CLUH: variants seen among roughly 807,000 people sequenced by gnomAD.
CLUH encodes the protein clustered mitochondria protein homolog.
In CLUH, 77 loss-of-function variants were observed where a neutral mutation model predicts 139.3. That is an observed-to-expected ratio of 0.55 (90% confidence interval 0.46 to 0.67). The LOEUF is 0.67. Among genes scored for constraint, CLUH ranks in the 30% least tolerant of loss-of-function variants. The pLI is 0.00. For synonymous variants in CLUH, 999 were observed against 801.6 expected (o/e 1.25, Z -4.16); for missense variants, 1,876 against 1,875.8 (o/e 1.00, Z 0.00).
At chr17:2,702,180 G>A (rs964216430) in intron 3 of CLUH, 123 bp from the exon 4 acceptor site, 24 of 1,217,582 alleles carry the variant, frequency 2.0e-5, no homozygotes, top group Admixed American at 1.0e-4. Flanking sequence ...TTAGGTTTCC[G>A]TTTTCAAATT....
intron 3 of CLUH, among the ~76,000 whole-genome samples, chr17:2,702,531 T>A (rs1161413442): frequency 6.6e-6 from 1 of 152,192 alleles, no homozygotes; most frequent in Non-Finnish European, 1.5e-5. Context: ...GTTCTTTTGG[T>A]GGAGGGGAGA....
intron 13 of CLUH, 198 bp from the exon 14 acceptor site, chr17:2,695,724 C>T: frequency 1.5e-6 from 1 of 689,024 alleles, no homozygotes; most frequent in Non-Finnish European, 2.4e-6. Flanking sequence ...GTGGTACAGG[C>T]CCCCTCTAAC....
Position 2,690,550 on chromosome 17 carries a change from C to T in CLUH, c.*44G>A. ...GCCCCCTTCTCCCGCAGTCGGGCTCCCTGGTGACGGGGCCGCTGGCTGGCT... is the reference window on the plus strand; with the variant it reads ...GCCCCCTTCTCCCGCAGTCGGGCTCTCTGGTGACGGGGCCGCTGGCTGGCT... On this transcript the variant is annotated 3_prime_UTR_variant, in exon 26 of 26. Transcript: ENST00000651024. 3 of 1,406,926 alleles carry T rather than the reference C, an allele frequency of 2.1e-6. No homozygotes were observed. The highest frequency in any genetic ancestry group is 2.8e-6 in the Non-Finnish European group (3 of 1,075,832). The allele number at this position is 1,406,926 out of a possible 1,614,324, so 87.2% of individuals were successfully genotyped here. A position where few individuals can be genotyped will look rare whatever the true frequency, so the allele number is the denominator to read the frequency against.
At chr17:2,699,579 C>T (rs911945648) in intron 9 of CLUH, among the ~76,000 whole-genome samples, 16 of 152,154 alleles carry the variant, frequency 1.1e-4, no homozygotes, top group East Asian at 5.8e-4. Flanking sequence ...CTGCCTGTCT[C>T]AGCCTCCCAA....
In CLUH at chr17:2,707,589, G is replaced by A. The variant is rs2070385316; in HGVS notation, c.101-3025C>T. Reference sequence around the variant, plus strand: ...GGAGAACCCAGAATTTGGGGTACCTGGACCCCTCAAGATTGAGGGCCTAGG... The same window carrying A: ...GGAGAACCCAGAATTTGGGGTACCTAGACCCCTCAAGATTGAGGGCCTAGG... On this transcript the variant is annotated intron_variant, in intron 1 of 25. Coordinates refer to ENST00000651024, the MANE Select transcript of CLUH (RefSeq NM_001366661.1). The surrounding 1 kb of genome is among the most constrained non-coding windows in gnomAD (Gnocchi z 7.4). The A allele has an allele frequency of 1.0e-6, 1 of 985,382 alleles. No individual in the cohort carries two copies. Among genetic ancestry groups the A allele is most frequent in the African/African-American group, 1.7e-5 (1 of 57,350 alleles). The allele number at this position is 985,382 out of a possible 1,614,324, so 61.0% of individuals were successfully genotyped here.
rs1228439531 is a variant in CLUH at position 2,696,493 on chromosome 17, A to C, written c.2231T>G (p.Val744Gly). Reference protein sequence around the residue: ...REVIRNACKAVGSISSTAFDI... With the variant: ...REVIRNACKAGGSISSTAFDI... ...GAAGGCGGTGCTGCTGATGGAGCCG[A>C]CCGCCTTGCACGCGTTGCGGATCAC... The change falls in exon 12 of 26, where the codon GTC becomes GGC. Residue 744 changes from valine to glycine, a missense_variant. Transcript: ENST00000651024. The C allele has an allele frequency of 3.8e-6, 6 of 1,591,210 alleles. No individual in the cohort carries two copies. Among genetic ancestry groups the C allele is most frequent in the Non-Finnish European group, 5.1e-6 (6 of 1,171,138 alleles).
chr17:2,693,831 T>A, intron 19 of CLUH, 69 bp downstream of exon 19: 3 of 1,529,792 alleles, frequency 2.0e-6, no homozygotes, highest in Non-Finnish European at 2.6e-6. Flanking sequence ...CACTCCTCCG[T>A]CAGGGGCCCC....
At chr17:2,711,283 G>A (rs1349695684) in intron 1 of CLUH, 1 of 152,174 alleles carries the variant, frequency 6.6e-6, no homozygotes, top group Non-Finnish European at 1.5e-5. Flanking sequence ...CCCCGAAACC[G>A]CGTGTGCGCG....
intron 19 of CLUH, 65 bp downstream of exon 19, chr17:2,693,835 G>T: frequency 1.3e-6 from 2 of 1,535,984 alleles, no homozygotes; most frequent in Middle Eastern, 2.2e-4. Flanking sequence ...CCTCCGTCAG[G>T]GGCCCCCTCA....
chr17:2,696,285 G>C (rs906498948), intron 12 of CLUH, 26 bp from the exon 13 acceptor site: 5 of 1,551,760 alleles, frequency 3.2e-6, no homozygotes, highest in Non-Finnish European at 4.4e-6. Flanking sequence ...CAGAGAGGCT[G>C]AGCCAGGCAG....
At position 2,707,557 on chromosome 17, in the gene CLUH, G is replaced by T; in HGVS notation, c.101-2993C>A. 1.0e-6 allele frequency: 1 copy of T among 985,414 alleles called. No homozygotes were observed. Among genetic ancestry groups the T allele is most frequent in the South Asian group, 4.7e-5 (1 of 21,288 alleles). 61.0% of individuals were successfully genotyped at this position (985,414 alleles called of 1,614,324 possible). On this transcript the variant is annotated intron_variant, in intron 1 of 25. Transcript: ENST00000651024. This position sits in a 1 kb window ranked among gnomAD's most constrained non-coding sequence, Gnocchi z 7.4. Reference sequence around the variant, plus strand: ...GGGTCACTGCCGGCAAAGCCGCTAGGGGGATCGGAGAACCCAGAATTTGGG... The same window carrying T: ...GGGTCACTGCCGGCAAAGCCGCTAGTGGGATCGGAGAACCCAGAATTTGGG...
At chr17:2,692,983 C>A in intron 19 of CLUH, 123 bp from the exon 20 acceptor site, 1 of 881,764 alleles carries the variant, frequency 1.1e-6, no homozygotes. Context: ...CGGCTGCGCC[C>A]AGCACAGTGC....
chr17:2,700,682 C>T lies in CLUH; in HGVS notation c.1169G>A (p.Gly390Glu). The T allele has an allele frequency of 6.6e-7, 1 of 1,526,472 alleles. No homozygotes were observed. The highest frequency in any genetic ancestry group is 8.8e-7 in the Non-Finnish European group (1 of 1,141,346). The allele number at this position is 1,526,472 out of a possible 1,614,324, so 94.6% of individuals were successfully genotyped here. A position where few individuals can be genotyped will look rare whatever the true frequency, so the allele number is the denominator to read the frequency against. Residue 390 changes from glycine to glutamate, a missense_variant, in exon 8 of 26, where the codon GGA becomes GAA. Physicochemically the swap from Gly to Glu is moderately conservative, Grantham distance 98 (BLOSUM62 -2). Coordinates refer to ENST00000651024, the MANE Select transcript of CLUH (RefSeq NM_001366661.1). ...SRLGYEEHIPGQTRDWNEELQ... is the reference protein window; with the variant it reads ...SRLGYEEHIPEQTRDWNEELQ... ...GCAGGGCCAGGTTGCAGGCACCTGT[C>T]CAGGAATGTGCTCCTCATAGCCCAG...
chr17:2,691,711 G>T (rs761930739), intron 24 of CLUH, 29 bp from the exon 25 acceptor site: 6 of 1,607,774 alleles, frequency 3.7e-6, no homozygotes, highest in Non-Finnish European at 4.2e-6. Flanking sequence ...AGCGGTGAGC[G>T]GGGCTCCCGC....
intron 25 of CLUH, 135 bp downstream of exon 25, chr17:2,691,474 A>G: frequency 1.2e-6 from 1 of 833,942 alleles, no homozygotes. Context: ...AGGCAGGAGA[A>G]TCGCTGAACC....
chr17:2,695,649 A>G (rs2069911569), intron 13 of CLUH, 123 bp from the exon 14 acceptor site: 1 of 1,284,878 alleles, frequency 7.8e-7, no homozygotes, highest in Non-Finnish European at 1.0e-6. Context: ...TCCAGCTCCC[A>G]GTCAGGATGT....
At position 2,706,976 on chromosome 17, in the gene CLUH, G is replaced by A. The variant is rs777570921; in HGVS notation, c.101-2412C>T. Among the ~76,000 whole-genome samples the A allele has an allele frequency of 2.0e-5, 3 of 152,184 alleles. No homozygotes were observed. Among genetic ancestry groups the A allele is most frequent in the Non-Finnish European group, 2.9e-5 (2 of 68,026 alleles). ...CTCTCCTTCCCCAGCCCAGGGAGAC[G>A]ACCCTCAGGGGGTACCTATTCCCTA... On this transcript the variant is annotated intron_variant, in intron 1 of 25. Coordinates refer to ENST00000651024, the MANE Select transcript of CLUH (RefSeq NM_001366661.1). The surrounding 1 kb of genome is among the most constrained non-coding windows in gnomAD (Gnocchi z 4.6).
rs889642855 is a variant in CLUH, at chr17:2,704,045, G to T, written c.303+317C>A. On this transcript the variant is annotated intron_variant, in intron 2 of 25. Coordinates refer to ENST00000651024, the MANE Select transcript of CLUH (RefSeq NM_001366661.1). This position sits in a 1 kb window ranked among gnomAD's most constrained non-coding sequence, Gnocchi z 5.7. ...TGGTAAAATCACGGCCCAGAGAGAGGTGACTTGCCTGAGGGCACAGAGCAA... is the reference window on the plus strand; with the variant it reads ...TGGTAAAATCACGGCCCAGAGAGAGTTGACTTGCCTGAGGGCACAGAGCAA... Among the ~76,000 whole-genome samples, 3 of 152,154 alleles carry T rather than the reference G, an allele frequency of 2.0e-5. No homozygotes were observed. Among genetic ancestry groups the T allele is most frequent in the Non-Finnish European group, 4.4e-5 (3 of 68,012 alleles).
chr17:2,693,612 G>A (rs1436360061), intron 19 of CLUH, among the ~76,000 whole-genome samples: 2 of 146,188 alleles, frequency 1.4e-5, no homozygotes. Flanking sequence ...GGAGCTCGGT[G>A]GCATGCTTCC....
Sources: gnomAD v4.1 joint callset for allele counts (sites outside exome capture counted in the v4.1 genomes callset) on GRCh38, gnomAD v4.1.1 for gene constraint, Gnocchi (gnomAD v3.1) non-coding constraint, MANE v1.5 for transcripts, NCBI Gene and HGNC (gene_info 2026-07-23, HGNC 2026-07-21) for gene names.